AGPAT4: variants seen among roughly 807,000 people sequenced by gnomAD.
The protein encoded by AGPAT4 is 1-acylglycerol-3-phosphate O-acyltransferase 4.
In AGPAT4, 15 loss-of-function variants were observed where a neutral mutation model predicts 48.0. The ratio of observed to expected loss-of-function variants is 0.31; its 90% CI spans 0.21 to 0.48. The LOEUF (loss-of-function observed/expected upper bound fraction) is 0.48, where lower values mean the gene tolerates loss of function less well. AGPAT4 is among the 20% of genes least tolerant of loss of function. The pLI is 0.99. For missense variants in AGPAT4, 314 were observed against 482.5 expected (o/e 0.65, Z 3.27); for synonymous variants, 178 against 198.7 (o/e 0.90, Z 0.88).
rs1782349499 is a variant in AGPAT4 at position 161,238,073 on chromosome 6, G to A, written c.-89-5771C>T. ...TGTGTTGGGGGGCTGGGGGTGGGGG[G>A]GTAATGGGGGGGTTGGGGGGCGGGA... is the stretch of plus-strand genomic sequence containing the variant. On this transcript the variant is annotated intron_variant, in intron 1 of 8. Coordinates refer to ENST00000320285, the MANE Select transcript of AGPAT4 (RefSeq NM_020133.3). The surrounding 1 kb of genome is among the most constrained non-coding windows in gnomAD (Gnocchi z 5.2). 6.6e-5 allele frequency among the ~76,000 whole-genome samples: 8 copies of A among 120,406 alleles called. No individual in the cohort carries two copies. Among genetic ancestry groups the A allele is most frequent in the African/African-American group, 2.4e-4 (8 of 33,218 alleles). 79.0% of individuals were successfully genotyped at this position (120,406 alleles called of 152,430 possible).
In AGPAT4 at chr6:161,217,409, G is replaced by A. The variant is rs1214153963; in HGVS notation, c.178+14627C>T. Among the ~76,000 whole-genome samples the A allele has an allele frequency of 1.3e-5, 2 of 152,192 alleles. No homozygotes were observed. Among genetic ancestry groups the A allele is most frequent in the Non-Finnish European group, 2.9e-5 (2 of 68,038 alleles). On this transcript the variant is annotated intron_variant, in intron 2 of 8. Coordinates refer to ENST00000320285, the MANE Select transcript of AGPAT4 (RefSeq NM_020133.3). This position sits in a 1 kb window ranked among gnomAD's most constrained non-coding sequence, Gnocchi z 4.9. Reference sequence around the variant, plus strand: ...GTCAGATGGAGGACGCATTGGGAGAGGCTGTGGTGGAGACCTGTGTTAACA... The same window carrying A: ...GTCAGATGGAGGACGCATTGGGAGAAGCTGTGGTGGAGACCTGTGTTAACA...
Position 161,133,407 on chromosome 6 carries a change from CAGTACTACTGTGTGATCATA to C in AGPAT4, c.*3113_*3132del, listed in dbSNP as rs989062506. 4 of 152,160 alleles carry C rather than the reference CAGTACTACTGTGTGATCATA, an allele frequency of 2.6e-5. No homozygotes were observed. The highest frequency in any genetic ancestry group is 4.8e-5 in the African/African-American group (2 of 41,438). 9.4% of individuals were successfully genotyped at this position (152,160 alleles called of 1,614,324 possible). On this transcript the variant is annotated 3_prime_UTR_variant, in exon 9 of 9. Coordinates refer to ENST00000320285, the MANE Select transcript of AGPAT4 (RefSeq NM_020133.3). Reference sequence around the variant, plus strand: ...AGAGGATATTGCAGTCGAGATATTCCAGTACTACTGTGTGATCATATGAAAAAAGTTGGTTTTCTCTCTGT... The same window carrying C: ...AGAGGATATTGCAGTCGAGATATTCCTGAAAAAAGTTGGTTTTCTCTCTGT...
chr6:161,160,081 A>C (rs932310621), intron 3 of AGPAT4: 1 of 145,162 alleles, frequency 6.9e-6, no homozygotes, highest in Non-Finnish European at 1.5e-5. Flanking sequence ...GGGATTACAG[A>C]CACCTGCCAC....
In AGPAT4 at chr6:161,219,890, G is replaced by GGCAC; in HGVS notation, c.178+12145_178+12146insGTGC. On this transcript the variant is annotated intron_variant, in intron 2 of 8. Coordinates refer to ENST00000320285, the MANE Select transcript of AGPAT4 (RefSeq NM_020133.3). The surrounding 1 kb of genome is among the most constrained non-coding windows in gnomAD (Gnocchi z 4.9). ...AGATAGATAGGCAGGCAGGCAGGCA[G>GGCAC]GCAGGCAGGCAGGCAGGCAGGCAGG... Among the ~76,000 whole-genome samples the GGCAC allele has an allele frequency of 7.3e-6, 1 of 136,544 alleles. No individual in the cohort carries two copies. The highest frequency in any genetic ancestry group is 2.1e-4 in the East Asian group (1 of 4,742). The allele number at this position is 136,544 out of a possible 152,430, so 89.6% of individuals were successfully genotyped here.
Position 161,177,036 on chromosome 6 carries a change from T to C in AGPAT4, c.179-10619A>G, listed in dbSNP as rs1385687587. 2.0e-5 allele frequency among the ~76,000 whole-genome samples: 3 copies of C among 152,240 alleles called. No individual in the cohort carries two copies. The highest frequency in any genetic ancestry group is 7.2e-5 in the African/African-American group (3 of 41,472). The stretch of plus-strand genomic sequence containing the variant: ...GCTGTTAGTCTGATGGGCTTCCTTT[T>C]GTGGGTAAATTGATCTTTCTCTCTG... On this transcript the variant is annotated intron_variant, in intron 2 of 8. Coordinates refer to ENST00000320285, the MANE Select transcript of AGPAT4 (RefSeq NM_020133.3). The surrounding 1 kb of genome is among the most constrained non-coding windows in gnomAD (Gnocchi z 5.0).
intron 2 of AGPAT4, among the ~76,000 whole-genome samples, chr6:161,192,056 A>G (rs1223733441): frequency 8.9e-6 from 1 of 111,802 alleles, no homozygotes; most frequent in Non-Finnish European, 1.9e-5. Flanking sequence ...TTTTTGTCTC[A>G]TGTTTCCATG....
chr6:161,155,421 A>G lies in AGPAT4; in HGVS notation c.349-1111T>C, dbSNP rs961521987. On this transcript the variant is annotated intron_variant, in intron 3 of 8. Transcript: ENST00000320285. This position sits in a 1 kb window ranked among gnomAD's most constrained non-coding sequence, Gnocchi z 5.8. The stretch of plus-strand genomic sequence containing the variant: ...CACAGCGCAGAGAGCTCCGGCTTCA[A>G]CACAGCCCTCTCTCCTCTCCTCCCC... 6.6e-6 allele frequency among the ~76,000 whole-genome samples: 1 copy of G among 152,180 alleles called. No homozygotes were observed. The highest frequency in any genetic ancestry group is 2.4e-5 in the African/African-American group (1 of 41,434).
Position 161,237,643 on chromosome 6 carries a change from T to A in AGPAT4, c.-89-5341A>T, listed in dbSNP as rs147571597. ...TGTAAAATAATAATGTGTGCATATA[T>A]GTCATTCATACCTAAATCTATTACT... On this transcript the variant is annotated intron_variant, in intron 1 of 8. Transcript: ENST00000320285. Among the ~76,000 whole-genome samples the A allele has an allele frequency of 9.6e-4, 147 of 152,352 alleles. 1 individual carries two copies. The East Asian group carries it at 0.02, about 20-fold the overall frequency.
At chr6:161,250,353 A>C (rs1782773276) in intron 1 of AGPAT4, among the ~76,000 whole-genome samples, 1 of 152,200 alleles carries the variant, frequency 6.6e-6, no homozygotes, top group South Asian at 2.1e-4. Context: ...AAAAGTTAAA[A>C]ATAAATATAC....
Position 161,145,000 on chromosome 6 carries a change from A to G in AGPAT4, c.843+1524T>C, listed in dbSNP as rs1779376554. Among the ~76,000 whole-genome samples the G allele has an allele frequency of 6.6e-6, 1 of 151,608 alleles. No individual in the cohort carries two copies. Among genetic ancestry groups the G allele is most frequent in the African/African-American group, 2.4e-5 (1 of 40,886 alleles). On this transcript the variant is annotated intron_variant, in intron 7 of 8. Transcript: ENST00000320285. The surrounding 1 kb of genome is among the most constrained non-coding windows in gnomAD (Gnocchi z 6.6). Reference sequence around the variant, plus strand: ...AGTCTCAAAAAAAAAAAATAAAAAAAGTAACATTTTATATGCTGCCTCAAT... The same window carrying G: ...AGTCTCAAAAAAAAAAAATAAAAAAGGTAACATTTTATATGCTGCCTCAAT...
At chr6:161,230,542 C>A (rs116676070) in intron 2 of AGPAT4, among the ~76,000 whole-genome samples, 164 of 152,310 alleles carry the variant, frequency 1.1e-3, no homozygotes, top group African/African-American at 3.8e-3. Flanking sequence ...ATTACACAAA[C>A]TTATCTCTCT....
chr6:161,131,275 T>C lies in AGPAT4; in HGVS notation c.*5265A>G, dbSNP rs1376299431. The C allele has an allele frequency of 5.9e-6, 1 of 170,860 alleles. No homozygotes were observed. Among genetic ancestry groups the C allele is most frequent in the East Asian group, 1.5e-4 (1 of 6,520 alleles). The allele number at this position is 170,860 out of a possible 1,614,324, so 10.6% of individuals were successfully genotyped here. A position where few individuals can be genotyped will look rare whatever the true frequency, so the allele number is the denominator to read the frequency against. The stretch of plus-strand genomic sequence containing the variant: ...CTAAGTAGGTGCTTAAGAACTGCTT[T>C]TTAACCCATTCACAACCTTCATATT... On this transcript the variant is annotated 3_prime_UTR_variant, in exon 9 of 9. Coordinates refer to ENST00000320285, the MANE Select transcript of AGPAT4 (RefSeq NM_020133.3).
At chr6:161,179,744 G>C (rs960821308) in intron 2 of AGPAT4, among the ~76,000 whole-genome samples, 4 of 152,074 alleles carry the variant, frequency 2.6e-5, no homozygotes, top group Non-Finnish European at 5.9e-5. Context: ...TTCCACTTAT[G>C]AATAGTACAT....
chr6:161,209,236 C>T (rs1781460600), intron 2 of AGPAT4, among the ~76,000 whole-genome samples: 2 of 152,274 alleles, frequency 1.3e-5, no homozygotes, highest in East Asian at 3.9e-4. Flanking sequence ...ATCCCAAAGG[C>T]TTGCTTGGAG....
chr6:161,237,843 G>A (rs1046130315), intron 1 of AGPAT4, among the ~76,000 whole-genome samples: 4 of 152,074 alleles, frequency 2.6e-5, no homozygotes, highest in African/African-American at 9.7e-5. Context: ...TTAGGTGTGG[G>A]CAGATGATGG....
rs976089314 is a variant in AGPAT4 at position 161,214,311 on chromosome 6, C to T, written c.178+17725G>A. ...ACCTCCTGAGGCTGTGTCACAGGCACACATCCTCAACCTTGACAAAATAAA... is the reference window on the plus strand; with the variant it reads ...ACCTCCTGAGGCTGTGTCACAGGCATACATCCTCAACCTTGACAAAATAAA... On this transcript the variant is annotated intron_variant, in intron 2 of 8. Coordinates refer to ENST00000320285, the MANE Select transcript of AGPAT4 (RefSeq NM_020133.3). The surrounding 1 kb of genome is among the most constrained non-coding windows in gnomAD (Gnocchi z 5.4). 6.6e-6 allele frequency among the ~76,000 whole-genome samples: 1 copy of T among 152,210 alleles called. No homozygotes were observed. The highest frequency in any genetic ancestry group is 3.2e-3 in the Middle Eastern group (1 of 316).
chr6:161,171,567 G>GTCT lies in AGPAT4; in HGVS notation c.179-5151_179-5150insAGA, dbSNP rs968206152. 6.6e-6 allele frequency among the ~76,000 whole-genome samples: 1 copy of GTCT among 152,070 alleles called. No individual in the cohort carries two copies. Among genetic ancestry groups the GTCT allele is most frequent in the African/African-American group, 2.4e-5 (1 of 41,394 alleles). On this transcript the variant is annotated intron_variant, in intron 2 of 8. Transcript: ENST00000320285. This position sits in a 1 kb window ranked among gnomAD's most constrained non-coding sequence, Gnocchi z 4.4. The stretch of plus-strand genomic sequence containing the variant: ...CTCATGACCTAATCACCTCTTAAAG[G>GTCT]CCCCACATCTCAACACTGTTGCATT...
At chr6:161,269,751 A>G (rs369307816) in intron 1 of AGPAT4, among the ~76,000 whole-genome samples, 22 of 152,286 alleles carry the variant, frequency 1.4e-4, no homozygotes, top group African/African-American at 5.3e-4. Flanking sequence ...GTTTATTGCT[A>G]TATCTATAAT....
At position 161,226,919 on chromosome 6, in the gene AGPAT4, C is replaced by A. The variant is rs903661596; in HGVS notation, c.178+5117G>T. On this transcript the variant is annotated intron_variant, in intron 2 of 8. Transcript: ENST00000320285. This position sits in a 1 kb window ranked among gnomAD's most constrained non-coding sequence, Gnocchi z 6.3. ...TGACAGCTGACCTCCCTCGGGGGAGCTCCTAGGCAAAGCAGGGAAGAAGAA... is the reference window on the plus strand; with the variant it reads ...TGACAGCTGACCTCCCTCGGGGGAGATCCTAGGCAAAGCAGGGAAGAAGAA... Among the ~76,000 whole-genome samples, 1 of 152,140 alleles carries A rather than the reference C, an allele frequency of 6.6e-6. No homozygotes were observed. Among genetic ancestry groups the A allele is most frequent in the Non-Finnish European group, 1.5e-5 (1 of 68,020 alleles).
Sources: allele counts gnomAD v4.1 joint callset (sites outside exome capture counted in the v4.1 genomes callset), GRCh38; gene constraint gnomAD v4.1.1; non-coding constraint Gnocchi (gnomAD v3.1); transcripts MANE v1.5; gene names NCBI Gene and HGNC (gene_info 2026-07-23, HGNC 2026-07-21).